Variants in RAD17 observed in about 807,000 individuals in gnomAD.
RAD17 encodes cell cycle checkpoint protein RAD17.
In RAD17, 31 loss-of-function variants were observed where a neutral mutation model predicts 81.5. The observed-to-expected ratio is 0.38, with a 90% CI of 0.29 to 0.51. The LOEUF (loss-of-function observed/expected upper bound fraction) is 0.51. Ranked by LOEUF, RAD17 falls within the 20% of genes least tolerant of loss-of-function variation. The pLI, the probability that RAD17 is intolerant of heterozygous loss-of-function variation, is 0.88. For synonymous variants in RAD17, 261 were observed against 266.2 expected (o/e 0.98, Z 0.19); for missense variants, 681 against 781.2 (o/e 0.87, Z 1.53).
upstream of RAD17, chr5:69,369,369 G>T: frequency 7.0e-7 from 1 of 1,424,490 alleles, no homozygotes; most frequent in Non-Finnish European, 9.5e-7. Flanking sequence ...TCTGAAGAGG[G>T]CAGTGAGGGG....
At chr5:69,396,091 C>G (rs12654780) in intron 15 of RAD17, among the ~76,000 whole-genome samples, 129,647 of 152,168 alleles carry the variant, frequency 0.85, 56,537 homozygotes, top group Non-Finnish European at 0.95. Context: ...AGAGAAACTT[C>G]ACACTAATCT....
At chr5:69,410,965 CTATATATATATATATATATA>C (rs1554044686) in intron 18 of RAD17, among the ~76,000 whole-genome samples, 4 of 90,264 alleles carry the variant, frequency 4.4e-5, no homozygotes, top group African/African-American at 2.0e-4. Flanking sequence ...AGATGTCTGT[CTATATATATATATATATATA>C]TATATATATA....
chr5:69,382,929 A>G (rs1763946017), intron 7 of RAD17, among the ~76,000 whole-genome samples: 1 of 151,986 alleles, frequency 6.6e-6, no homozygotes, highest in African/African-American at 2.4e-5. Context: ...GATTAGAGGC[A>G]TGTGCCACCA....
chr5:69,405,279 G>A lies in RAD17; in HGVS notation c.1693+5110G>A, dbSNP rs10053968. On this transcript the variant is annotated intron_variant, in intron 17 of 18. Transcript: ENST00000354868. ...AGCACTCTGGGAGGCTGAGGCGGGC[G>A]GATCACGAGGTCATGAGTTTGAGAG... is the stretch of plus-strand genomic sequence containing the variant. Among the ~76,000 whole-genome samples the A allele has an allele frequency of 4.3e-3, 655 of 151,980 alleles. 3 individuals carry two copies. Among genetic ancestry groups the A allele is most frequent in the East Asian group, 0.042 (217 of 5,166 alleles).
At chr5:69,384,684 A>T in intron 7 of RAD17, 113 bp from the exon 8 acceptor site, 10 of 958,152 alleles carry the variant, frequency 1.0e-5, no homozygotes, top group Non-Finnish European at 1.5e-5. Flanking sequence ...CTAATTGGGA[A>T]ATAGTCTACA....
chr5:69,410,559 A>T lies in RAD17; in HGVS notation c.1751+9A>T. On this transcript the variant is annotated intron_variant, in intron 18 of 18. Transcript: ENST00000354868. ...AAGCGACACTTTGGAAGGTAAGCTG[A>T]TCATCTCAATTTCCAAAAAGCTGAT... The T allele has an allele frequency of 6.2e-7, 1 of 1,611,666 alleles. No individual in the cohort carries two copies. The highest frequency in any genetic ancestry group is 1.1e-5 in the South Asian group (1 of 90,946).
At chr5:69,409,614 A>G (rs1159488336) in intron 17 of RAD17, among the ~76,000 whole-genome samples, 1 of 152,232 alleles carries the variant, frequency 6.6e-6, no homozygotes, top group Non-Finnish European at 1.5e-5. Context: ...GTGGGTACAC[A>G]AGAGCTTATG....
chr5:69,369,514 G>A (rs201882501), upstream of RAD17: 1,288 of 1,611,372 alleles, frequency 8.0e-4, 11 homozygotes, highest in African/African-American at 0.015. Flanking sequence ...ACGGCTTCGG[G>A]CGCCTCGCTC....
intron 17 of RAD17, among the ~76,000 whole-genome samples, chr5:69,409,734 TGC>T (rs1765848798): frequency 6.6e-6 from 1 of 152,198 alleles, no homozygotes; most frequent in Non-Finnish European, 1.5e-5. Context: ...AATTCTACAG[TGC>T]AGTAGTGTTA....
At chr5:69,413,259 G>GGT (rs1456194591) in intron 18 of RAD17, among the ~76,000 whole-genome samples, 1 of 152,020 alleles carries the variant, frequency 6.6e-6, no homozygotes, top group Admixed American at 6.6e-5. Context: ...TGGCCAACAT[G>GGT]GTGAAACCCC....
upstream of RAD17, chr5:69,369,332 C>T: frequency 1.0e-6 from 1 of 985,794 alleles, no homozygotes. Context: ...GGGGCGCTGA[C>T]AACCGCCTCG....
At chr5:69,385,979 A>T (rs922243739) in intron 8 of RAD17, 64 bp from the exon 9 acceptor site, 1 of 1,383,788 alleles carries the variant, frequency 7.2e-7, no homozygotes, top group East Asian at 2.6e-5. Flanking sequence ...AATAAATATA[A>T]ATTTGAAAAA....
chr5:69,413,532 T>C (rs1421160576), intron 18 of RAD17, among the ~76,000 whole-genome samples: 1 of 152,164 alleles, frequency 6.6e-6, no homozygotes, highest in East Asian at 1.9e-4. Context: ...TTGGTTTTTT[T>C]GTTTGTTTGT....
intron 8 of RAD17, among the ~76,000 whole-genome samples, chr5:69,385,812 A>T (rs2561172): frequency 0.34 from 51,940 of 152,116 alleles, 10,439 homozygotes; most frequent in Non-Finnish European, 0.46. Flanking sequence ...ATTACTTCCT[A>T]GTGAAAATAC....
At chr5:69,379,878 T>C (rs1238396722) in intron 6 of RAD17, among the ~76,000 whole-genome samples, 1 of 151,950 alleles carries the variant, frequency 6.6e-6, no homozygotes, top group Non-Finnish European at 1.5e-5. Flanking sequence ...TGTTTTATAG[T>C]TAACTTCTTT....
chr5:69,412,510 G>A lies in RAD17; in HGVS notation c.1752-1521G>A, dbSNP rs76872947. On this transcript the variant is annotated intron_variant, in intron 18 of 18. Transcript: ENST00000354868. ...ACTTCAAATACTATTTACTTAGGGT[G>A]AATTCCTACAAATGAAATTGCTGGA... 3.0e-3 allele frequency among the ~76,000 whole-genome samples: 459 copies of A among 152,130 alleles called. 10 individuals are homozygous for A. The highest frequency in any genetic ancestry group is 0.011 in the African/African-American group (443 of 41,496).
upstream of RAD17, chr5:69,369,753 CA>C: frequency 1.3e-6 from 2 of 1,509,640 alleles, no homozygotes; most frequent in South Asian, 2.4e-5. Context: ...GCCTAAGTCA[CA>C]CACTCCTTCG....
At chr5:69,389,723 C>T (rs570959635) in intron 12 of RAD17, among the ~76,000 whole-genome samples, 1 of 152,324 alleles carries the variant, frequency 6.6e-6, no homozygotes, top group Non-Finnish European at 1.5e-5. Context: ...TCACTGCAAG[C>T]TCCGCCTCCC....
rs1462503108 is a variant in RAD17, at chr5:69,373,174, T to A, written c.10-656T>A. ...GCTGTTTCTGTTAAAATATTATCAT[T>A]TGTTTATTTTGTTTTGCTTTTTTTA... On this transcript the variant is annotated intron_variant, in intron 4 of 18. Coordinates refer to ENST00000354868, the MANE Select transcript of RAD17 (RefSeq NM_133338.3). 5.9e-5 allele frequency among the ~76,000 whole-genome samples: 9 copies of A among 152,162 alleles called. No individual in the cohort carries two copies. In the East Asian group the frequency reaches 1.7e-3, roughly 29 times the overall value.
Sources: gnomAD v4.1 joint callset for allele counts (sites outside exome capture counted in the v4.1 genomes callset) on GRCh38, gnomAD v4.1.1 for gene constraint, MANE v1.5 for transcripts, NCBI Gene and HGNC (gene_info 2026-07-23, HGNC 2026-07-21) for gene names.